ADGRE5: variants seen among roughly 807,000 people sequenced by gnomAD.
ADGRE5 encodes CD97 molecule.
ADGRE5 carries 72 observed loss-of-function variants against 100.3 expected under a neutral mutation model. The ratio of observed to expected loss-of-function variants is 0.72; its 90% CI spans 0.59 to 0.87. The LOEUF is 0.87. ADGRE5 is among the 40% of genes least tolerant of loss of function. ADGRE5 has a pLI of 0.00. For synonymous variants in ADGRE5, 439 were observed against 447.8 expected, an observed-to-expected ratio of 0.98 and a Z score of 0.25; for missense variants, 959 against 1,094.7, an observed-to-expected ratio of 0.88 and a Z score of 1.75.
chr19:14,382,409 C>G (rs1372651048), intron 1 of ADGRE5, among the ~76,000 whole-genome samples: 5 of 152,184 alleles, frequency 3.3e-5, no homozygotes, highest in Non-Finnish European at 7.4e-5. Context: ...CACGCCCTGG[C>G]TGTCTGTGTC....
chr19:14,391,039 G>T lies in ADGRE5; in HGVS notation c.306G>T (p.Gly102=). Residue 102 remains glycine, a synonymous_variant, in exon 4 of 20, where the codon GGG becomes GGT. Coordinates refer to ENST00000242786, the MANE Select transcript of ADGRE5 (RefSeq NM_078481.4). The stretch of plus-strand genomic sequence containing the variant: ...GCCCGGGATATGAGCCTGTTTCTGG[G>T]GCAAAAACATTCAAGAATGAGAGCG... ...VCSPGYEPVS[G]AKTFKNESEN... 6.2e-7 allele frequency: 1 copy of T among 1,614,168 alleles called. No homozygotes were observed. Among genetic ancestry groups the T allele is most frequent in the Non-Finnish European group, 8.5e-7 (1 of 1,180,032 alleles).
chr19:14,385,555 C>G (rs1179394658), intron 1 of ADGRE5, among the ~76,000 whole-genome samples: 1 of 152,126 alleles, frequency 6.6e-6, no homozygotes, highest in Admixed American at 6.6e-5. Flanking sequence ...GGGGAACCCC[C>G]TGAGTGCTGG....
Position 14,401,624 on chromosome 19 carries a change from C to T in ADGRE5, c.1076-29C>T. The stretch of plus-strand genomic sequence containing the variant: ...TGGGCCCCACCTGGTACCTGGGGTC[C>T]CTAATCACAACTGCCCCTCTCCCCT... On this transcript the variant is annotated intron_variant, in intron 10 of 19. Transcript: ENST00000242786. The surrounding 1 kb of genome is among the most constrained non-coding windows in gnomAD (Gnocchi z 4.1). 1 of 1,602,660 alleles carries T rather than the reference C, an allele frequency of 6.2e-7. No individual in the cohort carries two copies. Among genetic ancestry groups the T allele is most frequent in the Non-Finnish European group, 8.5e-7 (1 of 1,173,242 alleles).
In ADGRE5 at chr19:14,408,457, C is replaced by A. The variant is rs1976381289; in HGVS notation, c.*336C>A. On this transcript the variant is annotated 3_prime_UTR_variant, in exon 20 of 20. Coordinates refer to ENST00000242786, the MANE Select transcript of ADGRE5 (RefSeq NM_078481.4). ...ACAGACTAAGGGCGCTTGTCCCATC[C>A]TGGACTTTTCCTCTCATGTCTTTGC... The A allele has an allele frequency of 1.8e-6, 1 of 542,894 alleles. No homozygotes were observed. 33.6% of individuals were successfully genotyped at this position (542,894 alleles called of 1,614,324 possible). A position where few individuals can be genotyped will look rare whatever the true frequency, so the allele number is the denominator to read the frequency against.
At chr19:14,398,265 T>C (rs1386982961) in intron 9 of ADGRE5, 126 bp downstream of exon 9, 16 of 767,706 alleles carry the variant, frequency 2.1e-5, no homozygotes, top group South Asian at 1.5e-4. Context: ...GCGCATAACA[T>C]ACACACACCA....
intron 9 of ADGRE5, among the ~76,000 whole-genome samples, chr19:14,400,994 C>T (rs535530363): frequency 2.5e-3 from 385 of 151,988 alleles, no homozygotes; most frequent in African/African-American, 8.5e-3. Context: ...TGTGGTGGCA[C>T]GCTTCTGTAG....
chr19:14,388,235 AAAC>A lies in ADGRE5; in HGVS notation c.23-212_23-210del, dbSNP rs1477375025. 4.6e-5 allele frequency among the ~76,000 whole-genome samples: 7 copies of A among 152,084 alleles called. No homozygotes were observed. The East Asian group carries it at 1.2e-3, about 25-fold the overall frequency. On this transcript the variant is annotated intron_variant, in intron 1 of 19. Transcript: ENST00000242786. ...CAAGCAGGAGCCTGTGTCAAAAAAA[AAAC>A]AAAAACAAAAAAACCCGCCCCTATG...
chr19:14,403,270 G>T (rs1463816089), intron 12 of ADGRE5, among the ~76,000 whole-genome samples: 1 of 151,946 alleles, frequency 6.6e-6, no homozygotes, highest in Non-Finnish European at 1.5e-5. Context: ...TCAAACTCCC[G>T]ACCTCAGGTG....
At chr19:14,384,742 C>T (rs1315386132) in intron 1 of ADGRE5, among the ~76,000 whole-genome samples, 5 of 151,696 alleles carry the variant, frequency 3.3e-5, no homozygotes, top group Admixed American at 2.6e-4. Flanking sequence ...GTTTCCCCTT[C>T]TGCTCTTTAT....
At chr19:14,395,600 G>T (rs1346844480) in intron 4 of ADGRE5, among the ~76,000 whole-genome samples, 1 of 152,326 alleles carries the variant, frequency 6.6e-6, no homozygotes, top group African/African-American at 2.4e-5. Flanking sequence ...CCCGCTCACG[G>T]CCAGTTCTGC....
Position 14,406,956 on chromosome 19 carries a change from G to A in ADGRE5, c.2203G>A (p.Ala735Thr). Residue 735 changes from alanine to threonine, a missense_variant, in exon 17 of 20, where the codon GCG becomes ACG. Coordinates refer to ENST00000242786, the MANE Select transcript of ADGRE5 (RefSeq NM_078481.4). The surrounding 1 kb of genome is among the most constrained non-coding windows in gnomAD (Gnocchi z 6.0). Reference protein sequence around the residue: ...INPDMKKLKKARALTITAIAQ... With the variant: ...INPDMKKLKKTRALTITAIAQ... ...TCCAGACATGAAGAAATTAAAGAAG[G>A]CGAGGTGAGAGGAGAGGCTGGAAGG... 6.2e-7 allele frequency: 1 copy of A among 1,614,094 alleles called. No homozygotes were observed. Among genetic ancestry groups the A allele is most frequent in the Non-Finnish European group, 8.5e-7 (1 of 1,179,946 alleles).
At position 14,401,290 on chromosome 19, in the gene ADGRE5, C is replaced by A; in HGVS notation, c.898-96C>A. ...CAGTGATTCCCTTGTGCCTGTGGGT[C>A]TCCAGTGTGTCCCCTGGTAGGGGGT... On this transcript the variant is annotated intron_variant, in intron 9 of 19. Coordinates refer to ENST00000242786, the MANE Select transcript of ADGRE5 (RefSeq NM_078481.4). This position sits in a 1 kb window ranked among gnomAD's most constrained non-coding sequence, Gnocchi z 4.1. The A allele has an allele frequency of 9.7e-7, 1 of 1,033,730 alleles. No individual in the cohort carries two copies. The highest frequency in any genetic ancestry group is 1.4e-6 in the Non-Finnish European group (1 of 708,954). The allele number at this position is 1,033,730 out of a possible 1,614,324, so 64.0% of individuals were successfully genotyped here.
Position 14,401,313 on chromosome 19 carries a change from G to A in ADGRE5, c.898-73G>A. On this transcript the variant is annotated intron_variant, in intron 9 of 19. Coordinates refer to ENST00000242786, the MANE Select transcript of ADGRE5 (RefSeq NM_078481.4). This position sits in a 1 kb window ranked among gnomAD's most constrained non-coding sequence, Gnocchi z 4.1. Reference sequence around the variant, plus strand: ...GTCTCCAGTGTGTCCCCTGGTAGGGGGTGACATCCAGGTCCTTCAGGCAAC... The same window carrying A: ...GTCTCCAGTGTGTCCCCTGGTAGGGAGTGACATCCAGGTCCTTCAGGCAAC... The A allele has an allele frequency of 7.5e-7, 1 of 1,339,812 alleles. No individual in the cohort carries two copies. Among genetic ancestry groups the A allele is most frequent in the Non-Finnish European group, 1.0e-6 (1 of 966,494 alleles). 83.0% of individuals were successfully genotyped at this position (1,339,812 alleles called of 1,614,324 possible).
Position 14,390,949 on chromosome 19 carries a change from G to GA in ADGRE5, c.219dup (p.Val74SerfsTer25). The GA allele has an allele frequency of 6.2e-7, 1 of 1,614,194 alleles. No homozygotes were observed. Among genetic ancestry groups the GA allele is most frequent in the East Asian group, 2.2e-5 (1 of 44,888 alleles). ...ACATCAACGAGTGTGCAACACCGTC[G>GA]AAAGTGTCATGCGGAAAATTCTCGG... On this transcript the variant is annotated frameshift_variant, in exon 4 of 20. Coordinates refer to ENST00000242786, the MANE Select transcript of ADGRE5 (RefSeq NM_078481.4). LOFTEE classifies it high-confidence loss of function.
chr19:14,381,562 C>T lies in ADGRE5; in HGVS notation c.22+17C>T, dbSNP rs1599604867. ...TCTTTCTCGGTAAGTACTTTGGGGC[C>T]CCGCTGGGAGGGGCGAGGAAGCTCC... On this transcript the variant is annotated intron_variant, in intron 1 of 19. Coordinates refer to ENST00000242786, the MANE Select transcript of ADGRE5 (RefSeq NM_078481.4). The T allele has an allele frequency of 6.3e-7, 1 of 1,598,522 alleles. No homozygotes were observed. The highest frequency in any genetic ancestry group is 1.9e-5 in the Admixed American group (1 of 53,550).
chr19:14,386,162 G>A (rs1407380987), intron 1 of ADGRE5, among the ~76,000 whole-genome samples: 1 of 151,780 alleles, frequency 6.6e-6, no homozygotes, highest in Non-Finnish European at 1.5e-5. Flanking sequence ...GGTGGATCAC[G>A]AGGTCAGGAG....
In ADGRE5 at chr19:14,408,265, C is replaced by A. The variant is rs1313615984; in HGVS notation, c.*144C>A. The A allele has an allele frequency of 1.1e-6, 1 of 943,600 alleles. No homozygotes were observed. Among genetic ancestry groups the A allele is most frequent in the African/African-American group, 1.6e-5 (1 of 61,794 alleles). 58.5% of individuals were successfully genotyped at this position (943,600 alleles called of 1,614,324 possible). Reference sequence around the variant, plus strand: ...GTGTGCCACCAGGAGGGAGTGGCAGCTATAGTCTGGCACCAAAGTCCAGGA... The same window carrying A: ...GTGTGCCACCAGGAGGGAGTGGCAGATATAGTCTGGCACCAAAGTCCAGGA... On this transcript the variant is annotated 3_prime_UTR_variant, in exon 20 of 20. Transcript: ENST00000242786.
intron 1 of ADGRE5, among the ~76,000 whole-genome samples, chr19:14,385,913 G>T (rs1479307397): frequency 6.6e-6 from 1 of 151,872 alleles, no homozygotes; most frequent in Non-Finnish European, 1.5e-5. Context: ...GGGATAACAG[G>T]CACCCACCAC....
Position 14,406,421 on chromosome 19 carries a change from TA to T in ADGRE5, c.1913del (p.Tyr638SerfsTer13). ...CWMSLEGLEL[Y>X]FLVVRVFQGQ... Reference sequence around the variant, plus strand: ...GATGAGCCTCGAAGGCCTGGAGCTCTACTTTCTTGTGGTGCGCGTGTTCCAA... The same window carrying T: ...GATGAGCCTCGAAGGCCTGGAGCTCTCTTTCTTGTGGTGCGCGTGTTCCAA... On this transcript the variant is annotated frameshift_variant, in exon 15 of 20. Coordinates refer to ENST00000242786, the MANE Select transcript of ADGRE5 (RefSeq NM_078481.4). LOFTEE classifies it high-confidence loss of function. The surrounding 1 kb of genome is among the most constrained non-coding windows in gnomAD (Gnocchi z 6.0). 1.3e-6 allele frequency: 2 copies of T among 1,590,946 alleles called. No homozygotes were observed. The highest frequency in any genetic ancestry group is 2.3e-5 in the South Asian group (2 of 87,876).
Sources: gnomAD v4.1 joint callset for allele counts (sites outside exome capture counted in the v4.1 genomes callset) on GRCh38, gnomAD v4.1.1 for gene constraint, Gnocchi (gnomAD v3.1) non-coding constraint, MANE v1.5 for transcripts, NCBI Gene and HGNC (gene_info 2026-07-23, HGNC 2026-07-21) for gene names.